The following PPFIA2 variants were observed in gnomAD, a reference collection of about 807,000 sequenced individuals.
PPFIA2 encodes the protein liprin-alpha-2.
Under a neutral mutation model 175.5 loss-of-function variants are expected in PPFIA2, and 46 were observed. The observed-to-expected ratio is 0.26, with a 90% CI of 0.21 to 0.34. The LOEUF (loss-of-function observed/expected upper bound fraction) is 0.34, where lower values mean the gene tolerates loss of function less well. PPFIA2 is among the 10% of genes least tolerant of loss of function. The pLI is 1.00. For missense variants in PPFIA2, 1,179 were observed against 1,506.1 expected (o/e 0.78, Z 3.60); for synonymous variants, 568 against 511.4 (o/e 1.11, Z -1.49).
At chr12:81,623,323 A>G (rs1428630682) in intron 4 of PPFIA2, among the ~76,000 whole-genome samples, 1 of 152,048 alleles carries the variant, frequency 6.6e-6, no homozygotes, top group East Asian at 1.9e-4. Flanking sequence ...AAAAATGTAT[A>G]AAATCAATTA....
chr12:81,361,568 A>C (rs1021706337), intron 15 of PPFIA2, among the ~76,000 whole-genome samples: 38 of 151,706 alleles, frequency 2.5e-4, no homozygotes, highest in Admixed American at 4.6e-4. Flanking sequence ...TTTTCCTTAC[A>C]TTTATATTGA....
intron 16 of PPFIA2, among the ~76,000 whole-genome samples, chr12:81,355,662 G>A (rs1280598318): frequency 6.6e-6 from 1 of 152,176 alleles, no homozygotes; most frequent in Non-Finnish European, 1.5e-5. Context: ...AGCCCTTGTT[G>A]CTTCACCTTG....
At chr12:81,481,774 A>C (rs757194326) in intron 4 of PPFIA2, among the ~76,000 whole-genome samples, 2 of 152,216 alleles carry the variant, frequency 1.3e-5, no homozygotes, top group Non-Finnish European at 2.9e-5. Context: ...GTAAGACCTA[A>C]AACCATAAAA....
At chr12:81,398,329 T>A (rs2041523041) in intron 8 of PPFIA2, among the ~76,000 whole-genome samples, 1 of 152,098 alleles carries the variant, frequency 6.6e-6, no homozygotes, top group African/African-American at 2.4e-5. Flanking sequence ...TTTTTTGAAA[T>A]TTTTGTAAGC....
Position 81,368,754 on chromosome 12 carries a change from T to G in PPFIA2, c.1453A>C (p.Lys485Gln). Residue 485 changes from lysine (K) to glutamine (Q), a missense_variant, in exon 13 of 33, where the codon AAG (lysine) becomes CAG (glutamine). Physicochemically the swap from Lys to Gln is moderately conservative, Grantham distance 53. Coordinates refer to ENST00000549396, the MANE Select transcript of PPFIA2 (RefSeq NM_003625.5). ...TCTTCTAGAGCAGCCATTCTTTCCT[T>G]TAAGTGTAGTTGTAGGCGTTCATTG... ...ESNERLQLHL[K>Q]ERMAALEEKN... The G allele has an allele frequency of 1.2e-6, 2 of 1,609,966 alleles. No homozygotes were observed. Among genetic ancestry groups the G allele is most frequent in the Middle Eastern group, 3.3e-4 (2 of 6,034 alleles).
At chr12:81,473,267 G>A (rs1225823280) in intron 4 of PPFIA2, among the ~76,000 whole-genome samples, 5 of 152,058 alleles carry the variant, frequency 3.3e-5, no homozygotes, top group African/African-American at 1.2e-4. Flanking sequence ...AATTAGCTGG[G>A]CATGATGTGG....
chr12:81,444,680 A>C (rs2050887399), intron 6 of PPFIA2, among the ~76,000 whole-genome samples: 1 of 152,048 alleles, frequency 6.6e-6, no homozygotes, highest in African/African-American at 2.4e-5. Flanking sequence ...TAAAAATATA[A>C]ATGTATATAA....
chr12:81,294,439 T>TAGGAAGAA (rs2045916185), intron 24 of PPFIA2: 1 of 116,308 alleles, frequency 8.6e-6, no homozygotes, highest in African/African-American at 4.1e-5. Context: ...GGAAGGTAGG[T>TAGGAAGAA]AGGAAGGAAG....
At chr12:81,370,325 A>G (rs1159104960) in intron 11 of PPFIA2, among the ~76,000 whole-genome samples, 1 of 151,794 alleles carries the variant, frequency 6.6e-6, no homozygotes, top group Admixed American at 6.6e-5. Context: ...TGGTCTCTGA[A>G]TGCACACTAT....
chr12:81,476,010 G>A (rs992100576), intron 4 of PPFIA2, among the ~76,000 whole-genome samples: 1 of 152,176 alleles, frequency 6.6e-6, no homozygotes, highest in Non-Finnish European at 1.5e-5. Flanking sequence ...CTTAGCTCAA[G>A]CTTATATTAA....
At chr12:81,759,065 C>T (rs1259274384) in intron 1 of PPFIA2, 2 of 152,322 alleles carry the variant, frequency 1.3e-5, no homozygotes, top group Non-Finnish European at 2.9e-5. Flanking sequence ...AGGTCTCCTC[C>T]TGGCCCCCAG....
At chr12:81,622,572 G>T (rs2062181253) in intron 4 of PPFIA2, among the ~76,000 whole-genome samples, 1 of 152,098 alleles carries the variant, frequency 6.6e-6, no homozygotes, top group Non-Finnish European at 1.5e-5. Context: ...TCCCACTGGA[G>T]CTATCCTTGA....
intron 27 of PPFIA2, among the ~76,000 whole-genome samples, chr12:81,280,680 T>A (rs914965956): frequency 6.6e-6 from 1 of 152,030 alleles, no homozygotes; most frequent in Non-Finnish European, 1.5e-5. Context: ...GTAAACAACT[T>A]GAAAAAAAGA....
rs11831720 is a variant in PPFIA2 at position 81,704,004 on chromosome 12, C to A, written c.250-27160G>T. Among the ~76,000 whole-genome samples, 1,101 of 152,202 alleles carry A rather than the reference C, an allele frequency of 7.2e-3. 22 individuals are homozygous for A. Among genetic ancestry groups the A allele is most frequent in the African/African-American group, 0.025 (1,046 of 41,512 alleles). On this transcript the variant is annotated intron_variant, in intron 3 of 32. Coordinates refer to ENST00000549396, the MANE Select transcript of PPFIA2 (RefSeq NM_003625.5). ...TGAATTAAGATAAAATTATTTTATA[C>A]CTATTTGTTGTTTACCTGTTTGTTG...
chr12:81,392,088 A>G (rs1281297220), intron 8 of PPFIA2, among the ~76,000 whole-genome samples: 1 of 151,904 alleles, frequency 6.6e-6, no homozygotes, highest in Non-Finnish European at 1.5e-5. Context: ...CAGGACAAAA[A>G]AAGGAATTTA....
intron 10 of PPFIA2, 141 bp from the exon 11 acceptor site, chr12:81,374,909 G>T: frequency 1.4e-6 from 1 of 717,306 alleles, no homozygotes; most frequent in Non-Finnish European, 2.2e-6. Flanking sequence ...AGTGTTGATT[G>T]TTGTCTTGTT....
At chr12:81,726,193 A>G (rs1335912424) in intron 3 of PPFIA2, among the ~76,000 whole-genome samples, 1 of 151,234 alleles carries the variant, frequency 6.6e-6, no homozygotes, top group Non-Finnish European at 1.5e-5. Context: ...AAGCCATTCC[A>G]TACTTTTCCT....
At chr12:81,407,481 T>TTAAAATAAAATAAAA (rs10645878) in intron 7 of PPFIA2, among the ~76,000 whole-genome samples, 2,489 of 130,750 alleles carry the variant, frequency 0.019, 51 homozygotes, top group African/African-American at 0.041. Context: ...AGACTCTGTC[T>TTAAAATAAAATAAAA]TAAAATAAAA....
chr12:81,716,545 A>G (rs1156282182), intron 3 of PPFIA2, among the ~76,000 whole-genome samples: 1 of 147,204 alleles, frequency 6.8e-6, no homozygotes, highest in Non-Finnish European at 1.5e-5. Flanking sequence ...ATACTTGGAA[A>G]GTACCAACAC....
Sources: allele counts gnomAD v4.1 joint callset (sites outside exome capture counted in the v4.1 genomes callset), GRCh38; gene constraint gnomAD v4.1.1; transcripts MANE v1.5; gene names NCBI Gene and HGNC (gene_info 2026-07-23, HGNC 2026-07-21).